The following BRD4 variants were observed in gnomAD, a reference collection of about 807,000 sequenced individuals.
The protein encoded by BRD4 is bromodomain containing 4, also known as bromodomain-containing protein 4.
In BRD4, 16 loss-of-function variants were observed where a neutral mutation model predicts 142.1. That is an observed-to-expected ratio of 0.11 (90% CI 0.08 to 0.17). BRD4 has a LOEUF of 0.17. Ranked by LOEUF, BRD4 falls within the 10% of genes least tolerant of loss-of-function variation. The probability of loss-of-function intolerance (pLI) is 1.00; values close to 1 mark genes in which losing one functional copy is unlikely to be tolerated. For synonymous variants in BRD4, 833 were observed against 707.5 expected (o/e 1.18, Z -2.82); for missense variants, 1,424 against 1,810.9 (o/e 0.79, Z 3.88).
chr19:15,256,902 TG>T, intron 8 of BRD4, 61 bp downstream of exon 8: 3 of 1,434,294 alleles, frequency 2.1e-6, no homozygotes, highest in Non-Finnish European at 9.4e-7. Context: ...TAGAAACTTC[TG>T]GGGAGGCCAC....
At position 15,238,624 on chromosome 19, in the gene BRD4, C is replaced by A; in HGVS notation, c.4020+119G>T. On this transcript the variant is annotated intron_variant, in intron 19 of 19. Transcript: ENST00000679869. The surrounding 1 kb of genome is among the most constrained non-coding windows in gnomAD (Gnocchi z 7.2). Reference sequence around the variant, plus strand: ...CAGCTGAGTCCAGAGGACCACATGCCGACCAGCAGGGACGGGGCTCCCCCG... The same window carrying A: ...CAGCTGAGTCCAGAGGACCACATGCAGACCAGCAGGGACGGGGCTCCCCCG... 6.9e-7 allele frequency: 1 copy of A among 1,458,986 alleles called. No homozygotes were observed. Among genetic ancestry groups the A allele is most frequent in the Non-Finnish European group, 9.1e-7 (1 of 1,102,426 alleles). The allele number at this position is 1,458,986 out of a possible 1,614,324, so 90.4% of individuals were successfully genotyped here.
Position 15,239,031 on chromosome 19 carries a change from C to T in BRD4, c.3782+28G>A, listed in dbSNP as rs200780861. 2.8e-5 allele frequency: 44 copies of T among 1,580,654 alleles called. No homozygotes were observed. The East Asian group carries it at 9.0e-4, about 32-fold the overall frequency. ...GGGGACTGGTGTGGCCCCAAGAGTCCCCATGCCCCACCCAGACACCCGCCC... is the reference window on the plus strand; with the variant it reads ...GGGGACTGGTGTGGCCCCAAGAGTCTCCATGCCCCACCCAGACACCCGCCC... On this transcript the variant is annotated intron_variant, in intron 18 of 19. Transcript: ENST00000679869. This position sits in a 1 kb window ranked among gnomAD's most constrained non-coding sequence, Gnocchi z 7.4.
intron 1 of BRD4, among the ~76,000 whole-genome samples, chr19:15,307,404 A>C (rs2047923682): frequency 6.6e-6 from 1 of 152,214 alleles, no homozygotes; most frequent in African/African-American, 2.4e-5. Context: ...GCTCCAGATC[A>C]CTGCCAATGT....
intron 1 of BRD4, among the ~76,000 whole-genome samples, chr19:15,329,564 C>A (rs1599538195): frequency 6.6e-6 from 1 of 152,082 alleles, no homozygotes; most frequent in East Asian, 1.9e-4. Flanking sequence ...TATGATGAAA[C>A]CCCGTCTCTA....
chr19:15,246,105 G>A (rs1051135226), intron 11 of BRD4, among the ~76,000 whole-genome samples: 1 of 152,202 alleles, frequency 6.6e-6, no homozygotes, highest in Non-Finnish European at 1.5e-5. Context: ...GGCTGCAACT[G>A]GGGACACGGG....
chr19:15,282,255 CAT>C (rs2047710406), intron 1 of BRD4, among the ~76,000 whole-genome samples: 2 of 152,198 alleles, frequency 1.3e-5, no homozygotes, highest in Non-Finnish European at 2.9e-5. Flanking sequence ...GCCTGCAGGC[CAT>C]AGTTTGCAGC....
At chr19:15,270,122 A>G (rs1053803623) in intron 2 of BRD4, among the ~76,000 whole-genome samples, 1 of 152,178 alleles carries the variant, frequency 6.6e-6, no homozygotes, top group Non-Finnish European at 1.5e-5. Context: ...ATCAGAACCA[A>G]ATCCAAGTGG....
intron 14 of BRD4, among the ~76,000 whole-genome samples, chr19:15,242,261 C>A (rs1327497349): frequency 6.6e-6 from 1 of 152,212 alleles, no homozygotes; most frequent in Non-Finnish European, 1.5e-5. Flanking sequence ...TGCAGCACCA[C>A]ATCAGGAGGC....
At position 15,327,790 on chromosome 19, in the gene BRD4, T is replaced by C. The variant is rs1466157310; in HGVS notation, c.-35+4500A>G. On this transcript the variant is annotated intron_variant, in intron 1 of 19. Coordinates refer to ENST00000679869, the MANE Select transcript of BRD4 (RefSeq NM_001379291.1). Reference sequence around the variant, plus strand: ...GATGCCAGGCACAAAAGGTTACATATTGTAGGATTCCTGAAATATCCATAA... The same window carrying C: ...GATGCCAGGCACAAAAGGTTACATACTGTAGGATTCCTGAAATATCCATAA... Among the ~76,000 whole-genome samples, 4 of 151,710 alleles carry C rather than the reference T, an allele frequency of 2.6e-5. No homozygotes were observed. The South Asian group carries it at 6.3e-4, about 24-fold the overall frequency.
intron 11 of BRD4, among the ~76,000 whole-genome samples, chr19:15,250,234 T>TG (rs2047330225): frequency 6.6e-6 from 1 of 152,154 alleles, no homozygotes; most frequent in Non-Finnish European, 1.5e-5. Context: ...TGGCTGTTTG[T>TG]GGGGGGAGTC....
intron 11 of BRD4, 85 bp from the exon 12 acceptor site, chr19:15,244,847 G>C: frequency 6.2e-7 from 1 of 1,604,278 alleles, no homozygotes; most frequent in Non-Finnish European, 8.5e-7. Flanking sequence ...AGAAAACAGG[G>C]CACTTTCAGG....
rs574180950 is a variant in BRD4 at position 15,253,719 on chromosome 19, G to A, written c.2158+433C>T. On this transcript the variant is annotated intron_variant, in intron 11 of 19. Transcript: ENST00000679869. Reference sequence around the variant, plus strand: ...AGCGAAGCATCTCCCTGAAGCGGCCGCACTGCACGTGACTGTGATACGGGG... The same window carrying A: ...AGCGAAGCATCTCCCTGAAGCGGCCACACTGCACGTGACTGTGATACGGGG... 1.1e-5 allele frequency: 17 copies of A among 1,598,450 alleles called. No homozygotes were observed. The East Asian group carries it at 1.3e-4, about 13-fold the overall frequency.
intron 1 of BRD4, among the ~76,000 whole-genome samples, chr19:15,287,454 A>T (rs781338164): frequency 4.6e-5 from 7 of 152,192 alleles, no homozygotes; most frequent in Non-Finnish European, 1.0e-4. Context: ...TATGTTGCTC[A>T]GGCTGGTCTC....
intron 1 of BRD4, among the ~76,000 whole-genome samples, chr19:15,329,229 G>C (rs1292260267): frequency 6.6e-6 from 1 of 152,066 alleles, no homozygotes; most frequent in South Asian, 2.1e-4. Context: ...AAAGATTTAT[G>C]AAACATTAGG....
chr19:15,258,097 G>A (rs2145579452), intron 7 of BRD4, among the ~76,000 whole-genome samples: 1 of 152,302 alleles, frequency 6.6e-6, no homozygotes, highest in Admixed American at 6.5e-5. Flanking sequence ...TCTGGGACCC[G>A]CTTCAAACCA....
intron 9 of BRD4, 84 bp from the exon 10 acceptor site, chr19:15,255,676 G>C: frequency 6.7e-7 from 1 of 1,485,868 alleles, no homozygotes; most frequent in South Asian, 1.3e-5. Context: ...ATGTTGGGGG[G>C]AAGGGGTGCC....
chr19:15,242,720 A>C (rs2047247997), intron 14 of BRD4, among the ~76,000 whole-genome samples, 180 bp downstream of exon 14: 1 of 152,048 alleles, frequency 6.6e-6, no homozygotes, highest in Non-Finnish European at 1.5e-5. Context: ...AGCAAGAGAG[A>C]CACCTGATAA....
chr19:15,292,992 G>A (rs1190625122), intron 1 of BRD4, among the ~76,000 whole-genome samples: 1 of 151,878 alleles, frequency 6.6e-6, no homozygotes, highest in African/African-American at 2.4e-5. Flanking sequence ...GCCCCTGAAA[G>A]GGTGCTTCCT....
intron 11 of BRD4, among the ~76,000 whole-genome samples, chr19:15,250,500 T>C (rs1021297740): frequency 6.6e-6 from 1 of 152,130 alleles, no homozygotes; most frequent in Non-Finnish European, 1.5e-5. Context: ...CATTCCTTTT[T>C]CCCCTGGAGC....
Sources: gnomAD v4.1 joint callset for allele counts (sites outside exome capture counted in the v4.1 genomes callset) on GRCh38, gnomAD v4.1.1 for gene constraint, Gnocchi (gnomAD v3.1) non-coding constraint, MANE v1.5 for transcripts, NCBI Gene and HGNC (gene_info 2026-07-23, HGNC 2026-07-21) for gene names.